Variants in MYO1A observed in about 807,000 individuals in gnomAD.
The protein encoded by MYO1A is unconventional myosin-Ia.
A neutral mutation model predicts 138.5 loss-of-function variants in MYO1A; 127 were observed. The observed-to-expected ratio is 0.92, with a 90% CI of 0.79 to 1.06. The LOEUF (loss-of-function observed/expected upper bound fraction) is 1.06. MYO1A is among the 50% of genes least tolerant of loss of function. The probability of loss-of-function intolerance (pLI) is 0.00; values close to 1 mark genes in which losing one functional copy is unlikely to be tolerated. For missense variants in MYO1A, 1,211 were observed against 1,288.8 expected (o/e 0.94, Z 0.92); for synonymous variants, 477 against 497.5 (o/e 0.96, Z 0.55).
rs2030159098 is a variant in MYO1A at position 57,029,536 on chromosome 12, T to A, written c.2776A>T (p.Thr926Ser). The A allele has an allele frequency of 1.2e-6, 2 of 1,614,166 alleles. No individual in the cohort carries two copies. Among genetic ancestry groups the A allele is most frequent in the Middle Eastern group, 1.6e-4 (1 of 6,062 alleles). ...LTKGHVILTD[T>S]KKSQAKIVIG... ...ACAATTTTGGCCTGGGACTTCTTGG[T>A]GTCTGTGAGAATCACATGGCCCTTG... is the stretch of plus-strand genomic sequence containing the variant. The change falls in exon 26 of 28, where the codon ACC becomes TCC. Residue 926 changes from threonine to serine, a missense_variant. By Grantham distance (58) the Thr-to-Ser change is moderately conservative. Transcript: ENST00000300119.
intron 17 of MYO1A, among the ~76,000 whole-genome samples, 167 bp from the exon 18 acceptor site, chr12:57,038,236 ATC>A (rs1399277536): frequency 6.6e-6 from 1 of 152,142 alleles, no homozygotes; most frequent in East Asian, 1.9e-4. Context: ...TCCCTATCGA[ATC>A]TGATGCTCTC....
chr12:57,031,265 G>A, intron 22 of MYO1A, 91 bp from the exon 23 acceptor site: 4 of 1,512,826 alleles, frequency 2.6e-6, no homozygotes, highest in Non-Finnish European at 3.7e-6. Flanking sequence ...CTTCAAAGGA[G>A]GAAGTTAACC....
Position 57,031,133 on chromosome 12 carries a change from G to A in MYO1A, c.2391C>T (p.Ser797=). The A allele has an allele frequency of 2.5e-6, 4 of 1,614,158 alleles. No individual in the cohort carries two copies. The Admixed American group carries it at 5.0e-5, about 20-fold the overall frequency. The stretch of plus-strand genomic sequence containing the variant: ...GCCATGTCTTGTCTAAGACGTTTGT[G>A]GATGGCAAATTGTTCTTCAGCCCCA... ...FLLGLKNNLP[S]TNVLDKTWPA... Residue 797 remains serine (S), a synonymous_variant, in exon 23 of 28, where the codon TCC becomes TCT. Coordinates refer to ENST00000300119, the MANE Select transcript of MYO1A (RefSeq NM_005379.4).
At position 57,044,103 on chromosome 12, in the gene MYO1A, C is replaced by A; in HGVS notation, c.744+3G>T. ...CCAAGCCTGCCTCACCCTGGGCACC[C>A]ACCTGTACAGCCCTGAAGCTGGAGG... is the stretch of plus-strand genomic sequence containing the variant. On this transcript the variant is annotated splice_donor_region_variant and intron_variant, in intron 9 of 27. Transcript: ENST00000300119. 2.5e-6 allele frequency: 4 copies of A among 1,614,228 alleles called. No individual in the cohort carries two copies. The highest frequency in any genetic ancestry group is 3.4e-6 in the Non-Finnish European group (4 of 1,180,038).
intron 8 of MYO1A, among the ~76,000 whole-genome samples, chr12:57,045,443 T>G (rs1008552634): frequency 6.6e-6 from 1 of 152,136 alleles, no homozygotes; most frequent in African/African-American, 2.4e-5. Flanking sequence ...TGTCTGGGGA[T>G]GATGATACCT....
rs759383204 is a variant in MYO1A at position 57,047,992 on chromosome 12, T to C, written c.227A>G (p.His76Arg). 1 of 1,611,320 alleles carries C rather than the reference T, an allele frequency of 6.2e-7. No homozygotes were observed. Among genetic ancestry groups the C allele is most frequent in the East Asian group, 2.2e-5 (1 of 44,872 alleles). The stretch of plus-strand genomic sequence containing the variant: ...TTCCCTTGGTCCCCCTACTCACATA[T>C]GGGGCTTCAGCTCATAGAAAGTATA... ...QDYTFYELKP[H>R]IYALANVAYQ... The change falls in exon 3 of 28, where the codon CAT becomes CGT. Residue 76 changes from histidine to arginine, a missense_variant. By Grantham distance (29) the His-to-Arg change is conservative. Transcript: ENST00000300119.
At chr12:57,029,348 C>G in intron 26 of MYO1A, 87 bp downstream of exon 26, 2 of 1,613,282 alleles carry the variant, frequency 1.2e-6, no homozygotes, top group Non-Finnish European at 1.7e-6. Flanking sequence ...AGCGAAAGGT[C>G]TGGTCCCCAT....
Position 57,048,324 on chromosome 12 carries a change from G to T in MYO1A, c.-1C>A. Reference sequence around the variant, plus strand: ...CCACAGAACCTTCCAGGAGAGGCATGTCCAGAGGGGCCACTGATCCTGGGA... The same window carrying T: ...CCACAGAACCTTCCAGGAGAGGCATTTCCAGAGGGGCCACTGATCCTGGGA... On this transcript the variant is annotated 5_prime_UTR_variant, in exon 2 of 28. Coordinates refer to ENST00000300119, the MANE Select transcript of MYO1A (RefSeq NM_005379.4). The T allele has an allele frequency of 6.2e-7, 1 of 1,607,670 alleles. No individual in the cohort carries two copies. Among genetic ancestry groups the T allele is most frequent in the Non-Finnish European group, 8.5e-7 (1 of 1,174,160 alleles).
chr12:57,029,342 A>T, intron 26 of MYO1A, 83 bp from the exon 27 acceptor site: 1 of 1,612,474 alleles, frequency 6.2e-7, no homozygotes. Flanking sequence ...GCCCAGAGCG[A>T]AAGGTCTGGT....
chr12:57,043,299 A>G lies in MYO1A; in HGVS notation c.952T>C (p.Cys318Arg). Residue 318 changes from cysteine (C) to arginine (R), a missense_variant, in exon 11 of 28, where the codon TGC becomes CGC. Cys to Arg is a radical substitution (Grantham distance 180, BLOSUM62 -3). Coordinates refer to ENST00000300119, the MANE Select transcript of MYO1A (RefSeq NM_005379.4). ...LNSEEVERALCSRTMETAKEK... is the reference protein window; with the variant it reads ...LNSEEVERALRSRTMETAKEK... Reference sequence around the variant, plus strand: ...TTGGCTGTTTCCATGGTCCTCGAGCACAAAGCTCTCTCTACTTCTTCTGAA... The same window carrying G: ...TTGGCTGTTTCCATGGTCCTCGAGCGCAAAGCTCTCTCTACTTCTTCTGAA... 1 of 1,614,192 alleles carries G rather than the reference A, an allele frequency of 6.2e-7. No individual in the cohort carries two copies. Among genetic ancestry groups the G allele is most frequent in the Non-Finnish European group, 8.5e-7 (1 of 1,180,006 alleles).
intron 22 of MYO1A, among the ~76,000 whole-genome samples, chr12:57,033,601 T>C (rs921191628): frequency 1.3e-5 from 2 of 152,082 alleles, no homozygotes; most frequent in Non-Finnish European, 2.9e-5. Flanking sequence ...TCAAGCAATA[T>C]TCCCGCCTCA....
chr12:57,029,292 T>C (rs568725659), intron 26 of MYO1A, 33 bp from the exon 27 acceptor site: 1 of 1,613,420 alleles, frequency 6.2e-7, no homozygotes, highest in Admixed American at 1.7e-5. Flanking sequence ...AGGAAAGGGA[T>C]TCATTTTTTC....
In MYO1A at chr12:57,039,194, A is replaced by C. The variant is rs746871601; in HGVS notation, c.1332+18T>G. ...GTCTGGAAGGGGAAGTCCCACAGAT[A>C]AGAGAATGACAACTCACATGCTCAA... On this transcript the variant is annotated intron_variant, in intron 15 of 27. Coordinates refer to ENST00000300119, the MANE Select transcript of MYO1A (RefSeq NM_005379.4). 1 of 1,612,504 alleles carries C rather than the reference A, an allele frequency of 6.2e-7. No individual in the cohort carries two copies. The highest frequency in any genetic ancestry group is 8.5e-7 in the Non-Finnish European group (1 of 1,178,458).
At chr12:57,037,747 A>G in intron 18 of MYO1A, 106 bp from the exon 19 acceptor site, 1 of 1,499,546 alleles carries the variant, frequency 6.7e-7, no homozygotes, top group Non-Finnish European at 9.3e-7. Flanking sequence ...CATTCAATTC[A>G]TTTCTCAAAG....
At position 57,038,515 on chromosome 12, in the gene MYO1A, T is replaced by C. The variant is rs1282878194; in HGVS notation, c.1657A>G (p.Lys553Glu). Residue 553 changes from lysine to glutamate, a missense_variant, in exon 17 of 28, where the codon AAG becomes GAG. By Grantham distance (56) the Lys-to-Glu change is moderately conservative. Coordinates refer to ENST00000300119, the MANE Select transcript of MYO1A (RefSeq NM_005379.4). ...LRSLFPEGNP[K>E]QASLKRPPTA... ...GGGGGGCGTTTGAGAGATGCCTGCT[T>C]AGGATTGCCCTCAGGAAACAAGGAC... 2 of 1,614,038 alleles carry C rather than the reference T, an allele frequency of 1.2e-6. No homozygotes were observed. Among genetic ancestry groups the C allele is most frequent in the East Asian group, 2.2e-5 (1 of 44,894 alleles).
At position 57,029,564 on chromosome 12, in the gene MYO1A, C is replaced by A; in HGVS notation, c.2748G>T (p.Leu916=). 6.2e-7 allele frequency: 1 copy of A among 1,614,200 alleles called. No individual in the cohort carries two copies. The highest frequency in any genetic ancestry group is 1.1e-5 in the South Asian group (1 of 91,068). The change falls in exon 26 of 28, where the codon CTG becomes CTT. Residue 916 remains leucine, a synonymous_variant. Coordinates refer to ENST00000300119, the MANE Select transcript of MYO1A (RefSeq NM_005379.4). ...CTGTGAGAATCACATGGCCCTTGGTCAGGAGGAGAATCCGAGAAGAAGTCT... is the reference window on the plus strand; with the variant it reads ...CTGTGAGAATCACATGGCCCTTGGTAAGGAGGAGAATCCGAGAAGAAGTCT... ...NGKTSSRILL[L]TKGHVILTDT... is the part of the protein sequence containing the mutation.
chr12:57,040,103 T>C (rs370794711), intron 14 of MYO1A, among the ~76,000 whole-genome samples: 1 of 152,174 alleles, frequency 6.6e-6, no homozygotes, highest in African/African-American at 2.4e-5. Flanking sequence ...CTGGGAAGCA[T>C]AGGTCTTTCT....
chr12:57,030,906 TA>T (rs2030246551), intron 23 of MYO1A, 133 bp downstream of exon 23: 2 of 1,098,164 alleles, frequency 1.8e-6, no homozygotes, highest in South Asian at 3.1e-5. Flanking sequence ...GTTAAAATGG[TA>T]GATTGTATGT....
In MYO1A at chr12:57,036,775, C is replaced by T. The variant is rs752251823; in HGVS notation, c.2271G>A (p.Trp757Ter). The T allele has an allele frequency of 2.5e-6, 4 of 1,614,202 alleles. No homozygotes were observed. The South Asian group carries it at 3.3e-5, about 13-fold the overall frequency. Residue 757 changes from tryptophan (W) to a stop codon, truncating the protein, a stop_gained, in exon 21 of 28, where the codon TGG becomes TGA. Coordinates refer to ENST00000300119, the MANE Select transcript of MYO1A (RefSeq NM_005379.4). LOFTEE classifies it high-confidence loss of function. The part of the protein sequence containing the change: ...VLLIQAFVRG[W>*]KARKNYRKYF... ...CCTCTCTTCCACTCTCCATTACCTT[C>T]CACCCTCTCACAAAAGCCTGGATCA... is the stretch of plus-strand genomic sequence containing the variant.
Sources: gnomAD v4.1 joint callset for allele counts (sites outside exome capture counted in the v4.1 genomes callset) on GRCh38, gnomAD v4.1.1 for gene constraint, MANE v1.5 for transcripts, NCBI Gene and HGNC (gene_info 2026-07-23, HGNC 2026-07-21) for gene names.